Variants in ZNF398 observed in about 807,000 individuals in gnomAD.
ZNF398 encodes the protein zinc finger protein 398, also known as zinc finger DNA binding protein ZER6.
Under a neutral mutation model 41.9 loss-of-function variants are expected in ZNF398, and 18 were observed. That is an observed-to-expected ratio of 0.43 (90% CI 0.30 to 0.64). The LOEUF is 0.64. Among genes scored for constraint, ZNF398 ranks in the 30% least tolerant of loss-of-function variants. The probability of loss-of-function intolerance (pLI) is 0.14; values close to 1 mark genes in which losing one functional copy is unlikely to be tolerated. For synonymous variants in ZNF398, 260 were observed against 308.8 expected (o/e 0.84, Z 1.66); for missense variants, 669 against 822.8 (o/e 0.81, Z 2.29).
rs931949727 is a variant in ZNF398 at position 149,182,149 on chromosome 7, C to T, written c.*2348C>T. ...GATTGAAATGGCTGCAGATAGATCCCGCAGTCCCTTCTGAAAGGAACTGTG... is the reference window on the plus strand; with the variant it reads ...GATTGAAATGGCTGCAGATAGATCCTGCAGTCCCTTCTGAAAGGAACTGTG... On this transcript the variant is annotated 3_prime_UTR_variant, in exon 6 of 6. Coordinates refer to ENST00000475153, the MANE Select transcript of ZNF398 (RefSeq NM_170686.3). 1.2e-4 allele frequency: 19 copies of T among 152,134 alleles called. No individual in the cohort carries two copies. The highest frequency in any genetic ancestry group is 4.1e-4 in the African/African-American group (17 of 41,428). 9.4% of individuals were successfully genotyped at this position (152,134 alleles called of 1,614,324 possible). A position where few individuals can be genotyped will look rare whatever the true frequency, so the allele number is the denominator to read the frequency against.
intron 2 of ZNF398, among the ~76,000 whole-genome samples, chr7:149,160,914 T>C (rs1795094300): frequency 6.6e-6 from 1 of 151,016 alleles, no homozygotes; most frequent in Non-Finnish European, 1.5e-5. Context: ...TAAAGATTTT[T>C]AGACTGAGGG....
At chr7:149,163,431 G>A (rs1795154551) in intron 2 of ZNF398, among the ~76,000 whole-genome samples, 1 of 150,014 alleles carries the variant, frequency 6.7e-6, no homozygotes, top group Admixed American at 6.7e-5. Flanking sequence ...GAAGTACAAT[G>A]GTGTGATCTC....
chr7:149,154,202 C>A lies in ZNF398; in HGVS notation c.282C>A (p.Gly94=), dbSNP rs1338451338. 1 of 1,614,046 alleles carries A rather than the reference C, an allele frequency of 6.2e-7. No homozygotes were observed. Among genetic ancestry groups the A allele is most frequent in the Non-Finnish European group, 8.5e-7 (1 of 1,180,050 alleles). The change falls in exon 2 of 6, where the codon GGC becomes GGA. Residue 94 remains glycine, a synonymous_variant. Transcript: ENST00000475153. Reference sequence around the variant, plus strand: ...CCGAGCTTGGGAACCAGCTGGAGGGCAAGTGGGCCGTGCTGGGAACCCTGC... The same window carrying A: ...CCGAGCTTGGGAACCAGCTGGAGGGAAAGTGGGCCGTGCTGGGAACCCTGC... The part of the protein sequence containing the change: ...TVTELGNQLE[G]KWAVLGTLLQ...
At chr7:149,168,597 C>T (rs1246860984) in intron 4 of ZNF398, among the ~76,000 whole-genome samples, 1 of 151,984 alleles carries the variant, frequency 6.6e-6, no homozygotes, top group African/African-American at 2.4e-5. Flanking sequence ...GAGATGGAGT[C>T]TCACTCTGTC....
In ZNF398 at chr7:149,138,604, A is replaced by C. The variant is rs1826762064; in HGVS notation, c.-490+9660A>C. Reference sequence around the variant, plus strand: ...CAAAAACAAAACAAAACAAATCAAAAAACAGTATTTACAGTTTCAACTGTA... The same window carrying C: ...CAAAAACAAAACAAAACAAATCAAACAACAGTATTTACAGTTTCAACTGTA... On this transcript the variant is annotated intron_variant, in intron 2 of 6. Coordinates refer to the ZNF398 transcript ENST00000426851. 2.0e-5 allele frequency among the ~76,000 whole-genome samples: 3 copies of C among 152,130 alleles called. 1 individual carries two copies. The South Asian group carries it at 6.2e-4, about 31-fold the overall frequency.
chr7:149,156,827 C>T (rs1469259462), intron 2 of ZNF398, among the ~76,000 whole-genome samples: 1 of 149,072 alleles, frequency 6.7e-6, no homozygotes, highest in Non-Finnish European at 1.5e-5. Context: ...TACCACTGAA[C>T]TCCAGCCTGG....
intron 2 of ZNF398, among the ~76,000 whole-genome samples, chr7:149,134,342 C>T (rs972519463): frequency 5.3e-5 from 8 of 151,520 alleles, no homozygotes; most frequent in South Asian, 2.1e-4. Flanking sequence ...CCCTCCCCAC[C>T]GGCCTCCCAA....
chr7:149,169,723 G>T (rs1200291174), intron 4 of ZNF398, among the ~76,000 whole-genome samples: 1 of 151,926 alleles, frequency 6.6e-6, no homozygotes, highest in Non-Finnish European at 1.5e-5. Context: ...AGGTGCTAGG[G>T]TTACAGGCCT....
rs1188396248 is a variant in ZNF398, at chr7:149,181,083, T to C, written c.*1282T>C. On this transcript the variant is annotated 3_prime_UTR_variant, in exon 6 of 6. Transcript: ENST00000475153. ...ATCTGAGTCTGCTCCTAAGTGGCTT[T>C]GCAACTGGGCCTAAGTTCTGTTTCC... The C allele has an allele frequency of 1.3e-5, 2 of 152,670 alleles. No individual in the cohort carries two copies. Among genetic ancestry groups the C allele is most frequent in the African/African-American group, 4.8e-5 (2 of 41,458 alleles). The allele number at this position is 152,670 out of a possible 1,614,324, so 9.5% of individuals were successfully genotyped here.
chr7:149,128,768 A>AATAAC, intron 1 of ZNF398: 1 of 138,546 alleles, frequency 7.2e-6, no homozygotes, highest in Non-Finnish European at 1.5e-5. Context: ...AATAAAATAA[A>AATAAC]ATAAAATAAA....
At chr7:149,158,564 G>T (rs1795032481) in intron 2 of ZNF398, among the ~76,000 whole-genome samples, 1 of 152,086 alleles carries the variant, frequency 6.6e-6, no homozygotes, top group Admixed American at 6.6e-5. Flanking sequence ...GCCTGGCGTG[G>T]TATCTCACAC....
intron 2 of ZNF398, among the ~76,000 whole-genome samples, chr7:149,157,864 G>A (rs1795018299): frequency 7.1e-6 from 1 of 141,502 alleles, no homozygotes; most frequent in South Asian, 2.2e-4. Context: ...AAAGAGTCCA[G>A]GACCAAGTCC....
intron 1 of ZNF398, among the ~76,000 whole-genome samples, chr7:149,150,192 G>A (rs1827077376): frequency 6.6e-6 from 1 of 152,162 alleles, no homozygotes; most frequent in Non-Finnish European, 1.5e-5. Flanking sequence ...ATGAATTTAG[G>A]TCTGATTAAT....
At chr7:149,151,896 T>G (rs1356186096) in intron 1 of ZNF398, among the ~76,000 whole-genome samples, 1 of 151,408 alleles carries the variant, frequency 6.6e-6, no homozygotes, top group African/African-American at 2.4e-5. Flanking sequence ...AAGCAATAAG[T>G]GGATAACATT....
At chr7:149,138,916 AT>A (rs35109418) in intron 2 of ZNF398, among the ~76,000 whole-genome samples, 13 of 145,040 alleles carry the variant, frequency 9.0e-5, no homozygotes, top group African/African-American at 1.0e-4. Context: ...TGCCCAGCTA[AT>A]TTTTTTTTTT....
At chr7:149,141,189 CTTTGAGTCATG>C (rs1227770937) in intron 2 of ZNF398, among the ~76,000 whole-genome samples, 1 of 151,746 alleles carries the variant, frequency 6.6e-6, no homozygotes, top group Non-Finnish European at 1.5e-5. Flanking sequence ...TTTAAATCAT[CTTTGAGTCATG>C]ATTAAAAATT....
Position 149,155,116 on chromosome 7 carries a change from G to A in ZNF398, c.420+776G>A, listed in dbSNP as rs181009650. On this transcript the variant is annotated intron_variant, in intron 2 of 5. Coordinates refer to ENST00000475153, the MANE Select transcript of ZNF398 (RefSeq NM_170686.3). ...AGCCTGGCCAACATGGTGAAACCCC[G>A]TCTCTACTTAAAATACAAAAATTGG... Among the ~76,000 whole-genome samples the A allele has an allele frequency of 3.5e-4, 53 of 150,926 alleles. No individual in the cohort carries two copies. The East Asian group carries it at 9.3e-3, about 26-fold the overall frequency.
intron 2 of ZNF398, among the ~76,000 whole-genome samples, chr7:149,162,283 G>C (rs910820962): frequency 6.6e-6 from 1 of 152,088 alleles, no homozygotes; most frequent in Non-Finnish European, 1.5e-5. Context: ...CTGGGTTCAC[G>C]CCATTCTCCT....
At chr7:149,155,429 C>CA (rs1244116183) in intron 2 of ZNF398, among the ~76,000 whole-genome samples, 1 of 151,842 alleles carries the variant, frequency 6.6e-6, no homozygotes, top group East Asian at 1.9e-4. Flanking sequence ...CCAACAACGA[C>CA]AAAAAAGAAG....
Sources: gnomAD v4.1 joint callset for allele counts (sites outside exome capture counted in the v4.1 genomes callset) on GRCh38, gnomAD v4.1.1 for gene constraint, MANE v1.5 for transcripts, NCBI Gene and HGNC (gene_info 2026-07-23, HGNC 2026-07-21) for gene names.